The following NUBPL variants were observed in gnomAD, a reference collection of about 807,000 sequenced individuals.
NUBPL encodes the protein iron-sulfur cluster transfer protein NUBPL.
A neutral mutation model predicts 45.7 loss-of-function variants in NUBPL; 31 were observed. The ratio of observed to expected loss-of-function variants is 0.68; its 90% CI spans 0.51 to 0.92. The LOEUF is 0.92. NUBPL is among the 40% of genes least tolerant of loss of function. NUBPL has a pLI of 0.00. For missense variants in NUBPL, 401 were observed against 398.7 expected (o/e 1.01, Z -0.05); for synonymous variants, 144 against 140.9 (o/e 1.02, Z -0.15).
At chr14:31,636,027 C>T (rs1286078157) in intron 4 of NUBPL, among the ~76,000 whole-genome samples, 1 of 152,082 alleles carries the variant, frequency 6.6e-6, no homozygotes. Flanking sequence ...ACAATCATGT[C>T]ATCTGCAAAC....
At chr14:31,656,169 C>CT (rs1304347275) in intron 4 of NUBPL, among the ~76,000 whole-genome samples, 1 of 152,142 alleles carries the variant, frequency 6.6e-6, no homozygotes. Flanking sequence ...CCTCTCTCAG[C>CT]TTTAATAGAA....
At chr14:31,848,958 T>C (rs118074070) in intron 9 of NUBPL, among the ~76,000 whole-genome samples, 1 of 152,224 alleles carries the variant, frequency 6.6e-6, no homozygotes, top group East Asian at 1.9e-4. Flanking sequence ...ACATTTTTGC[T>C]GCTTGCTCCT....
At chr14:31,834,381 G>A (rs528385697) in intron 8 of NUBPL, among the ~76,000 whole-genome samples, 138 of 151,990 alleles carry the variant, frequency 9.1e-4, no homozygotes, top group South Asian at 2.3e-3. Context: ...GGGTTTCACC[G>A]TGTTAGCCAG....
intron 7 of NUBPL, among the ~76,000 whole-genome samples, chr14:31,793,397 G>T (rs75235504): frequency 1.3e-5 from 2 of 151,986 alleles, no homozygotes; most frequent in African/African-American, 4.8e-5. Flanking sequence ...CCCCAAACCC[G>T]CATTTAGGAA....
intron 4 of NUBPL, among the ~76,000 whole-genome samples, chr14:31,636,334 A>C (rs529262068): frequency 6.6e-5 from 10 of 151,974 alleles, no homozygotes; most frequent in South Asian, 2.1e-4. Flanking sequence ...CCTTTTCTGC[A>C]TCTATTGAGA....
chr14:31,636,429 C>T (rs2035501408), intron 4 of NUBPL, among the ~76,000 whole-genome samples: 1 of 152,178 alleles, frequency 6.6e-6, no homozygotes, highest in South Asian at 2.1e-4. Flanking sequence ...CTTTGCATCG[C>T]AGGGATGAAG....
intron 7 of NUBPL, among the ~76,000 whole-genome samples, chr14:31,818,197 AC>A (rs1165878769): frequency 6.6e-6 from 1 of 152,170 alleles, no homozygotes; most frequent in Non-Finnish European, 1.5e-5. Flanking sequence ...AGACTCCCAC[AC>A]AATAATAGTG....
chr14:31,593,550 T>C (rs1247075282), intron 3 of NUBPL, among the ~76,000 whole-genome samples: 1 of 149,568 alleles, frequency 6.7e-6, no homozygotes, highest in Non-Finnish European at 1.5e-5. Context: ...GTGAGGGTTT[T>C]GGTATGGGGG....
At chr14:31,661,082 A>G (rs2139769660) in intron 4 of NUBPL, among the ~76,000 whole-genome samples, 1 of 152,330 alleles carries the variant, frequency 6.6e-6, no homozygotes, top group South Asian at 2.1e-4. Flanking sequence ...TTTGTTTGAA[A>G]CCAACTGGTT....
At chr14:31,774,917 A>T (rs1374860570) in intron 6 of NUBPL, among the ~76,000 whole-genome samples, 4 of 152,162 alleles carry the variant, frequency 2.6e-5, no homozygotes, top group African/African-American at 9.7e-5. Context: ...TCTTGAGGCT[A>T]TGTAGGTGCC....
chr14:31,705,955 C>G (rs954866280), intron 6 of NUBPL, among the ~76,000 whole-genome samples: 3 of 152,286 alleles, frequency 2.0e-5, no homozygotes, highest in African/African-American at 4.8e-5. Context: ...GCACGAAGCC[C>G]CAGCTCCCAC....
chr14:31,588,363 A>G (rs1468556641), intron 3 of NUBPL, among the ~76,000 whole-genome samples: 1 of 152,200 alleles, frequency 6.6e-6, no homozygotes, highest in Non-Finnish European at 1.5e-5. Context: ...AAGTTTCACA[A>G]ATTTGCAGTG....
intron 3 of NUBPL, among the ~76,000 whole-genome samples, chr14:31,580,177 G>A (rs1229492502): frequency 1.3e-5 from 2 of 152,174 alleles, no homozygotes; most frequent in East Asian, 3.8e-4. Flanking sequence ...TACATGTGCT[G>A]TGTGCTCTTT....
chr14:31,599,703 A>G (rs1481485759), intron 4 of NUBPL, among the ~76,000 whole-genome samples: 3 of 150,898 alleles, frequency 2.0e-5, no homozygotes, highest in Non-Finnish European at 4.5e-5. Flanking sequence ...TAAAAACAAT[A>G]TAATTATTTA....
At chr14:31,787,639 A>G in intron 6 of NUBPL, 141 bp from the exon 7 acceptor site, 1 of 652,508 alleles carries the variant, frequency 1.5e-6, no homozygotes, top group Non-Finnish European at 2.8e-6. Context: ...TATCCTTAGG[A>G]CTCAGCACAG....
intron 8 of NUBPL, among the ~76,000 whole-genome samples, chr14:31,832,357 G>T (rs1268698601): frequency 6.6e-6 from 1 of 152,278 alleles, no homozygotes; most frequent in Middle Eastern, 3.4e-3. Context: ...GGAATCGATT[G>T]TATAGGGTAG....
intron 6 of NUBPL, among the ~76,000 whole-genome samples, chr14:31,701,521 A>C (rs1361646184): frequency 1.3e-5 from 2 of 152,218 alleles, no homozygotes; most frequent in East Asian, 1.9e-4. Flanking sequence ...CTTCGCAATA[A>C]ATCTTGCTGC....
At chr14:31,667,760 T>A (rs1410882586) in intron 4 of NUBPL, 2 of 152,638 alleles carry the variant, frequency 1.3e-5, no homozygotes, top group East Asian at 3.8e-4. Context: ...TTTGTTAATG[T>A]TGATGTTATT....
At chr14:31,790,898 C>T (rs2039369445) in intron 7 of NUBPL, among the ~76,000 whole-genome samples, 2 of 152,118 alleles carry the variant, frequency 1.3e-5, no homozygotes, top group African/African-American at 4.8e-5. Context: ...CCTCCATTCT[C>T]CCCAGCCCCT....
Sources: gnomAD v4.1 joint callset for allele counts (sites outside exome capture counted in the v4.1 genomes callset) on GRCh38, gnomAD v4.1.1 for gene constraint, MANE v1.5 for transcripts, NCBI Gene and HGNC (gene_info 2026-07-23, HGNC 2026-07-21) for gene names.